Variants in IL1RAPL2 observed in about 807,000 individuals in gnomAD.
IL1RAPL2 encodes the protein X-linked interleukin-1 receptor accessory protein-like 2.
A neutral mutation model predicts 44.1 loss-of-function variants in IL1RAPL2; 3 were observed. The ratio of observed to expected loss-of-function variants is 0.07; its 90% confidence interval spans 0.03 to 0.18. The LOEUF (loss-of-function observed/expected upper bound fraction) is 0.18, where lower values mean the gene tolerates loss of function less well. IL1RAPL2 is among the 10% of genes least tolerant of loss of function. The pLI, the probability that IL1RAPL2 is intolerant of heterozygous loss-of-function variation, is 1.00. For missense variants in IL1RAPL2, 391 were observed against 496.4 expected (o/e 0.79, Z 2.02); for synonymous variants, 181 against 178.8 (o/e 1.01, Z -0.10).
intron 6 of IL1RAPL2, among the ~76,000 whole-genome samples, chrX:105,571,403 C>G (rs1448397329): frequency 9.0e-6 from 1 of 111,164 alleles, no homozygotes; most frequent in Non-Finnish European, 1.9e-5. Context: ...GGAGGTTGGG[C>G]TGTGATAACA....
At chrX:105,220,498 C>T (rs1438474470) in intron 3 of IL1RAPL2, 7 of 800,856 alleles carry the variant, frequency 8.7e-6, no homozygotes, top group African/African-American at 4.3e-5. Flanking sequence ...CATCTTCTCC[C>T]GCCCTCTTGT....
intron 2 of IL1RAPL2, among the ~76,000 whole-genome samples, chrX:104,670,946 A>C (rs1930586644): frequency 9.0e-6 from 1 of 111,365 alleles, no homozygotes; most frequent in African/African-American, 3.3e-5. Flanking sequence ...CAAGACCTCT[A>C]CTTATGAAAT....
At chrX:105,167,100 T>C (rs150333079) in intron 2 of IL1RAPL2, among the ~76,000 whole-genome samples, 41 of 112,467 alleles carry the variant, frequency 3.6e-4, no homozygotes, top group African/African-American at 1.3e-3. Flanking sequence ...GCTGGATTAA[T>C]GGTCCAACTT....
intron 6 of IL1RAPL2, among the ~76,000 whole-genome samples, chrX:105,498,897 G>A (rs1040719679): frequency 9.0e-5 from 10 of 111,135 alleles, no homozygotes; most frequent in Admixed American, 8.6e-4. Context: ...GGTGAGTGGC[G>A]GGCAAGCAAG....
chrX:105,043,679 A>C (rs1043563993), intron 2 of IL1RAPL2, among the ~76,000 whole-genome samples: 7 of 111,260 alleles, frequency 6.3e-5, no homozygotes, highest in Non-Finnish European at 9.4e-5. Flanking sequence ...GGAGGTAGGT[A>C]GGCATTTTTC....
At chrX:105,435,747 G>A (rs1414443555) in intron 5 of IL1RAPL2, among the ~76,000 whole-genome samples, 5 of 111,393 alleles carry the variant, frequency 4.5e-5, no homozygotes, top group South Asian at 3.8e-4. Flanking sequence ...TTGCAGTTAC[G>A]TGGATGAAGC....
chrX:105,468,829 A>G (rs1180496159), intron 5 of IL1RAPL2, among the ~76,000 whole-genome samples: 1 of 111,970 alleles, frequency 8.9e-6, no homozygotes. Flanking sequence ...TATTTATCAC[A>G]TTTTCAGATG....
chrX:105,296,811 G>A (rs1314099317), intron 5 of IL1RAPL2, among the ~76,000 whole-genome samples: 3 of 111,422 alleles, frequency 2.7e-5, no homozygotes, highest in African/African-American at 9.8e-5. Flanking sequence ...TTAAAAATAC[G>A]GGACTGAAAT....
chrX:104,694,891 G>A (rs924890224), intron 2 of IL1RAPL2, among the ~76,000 whole-genome samples: 1 of 112,118 alleles, frequency 8.9e-6, no homozygotes, highest in Non-Finnish European at 1.9e-5. Flanking sequence ...GCCACGCAGT[G>A]ACCATATTAA....
At chrX:105,191,810 A>G (rs1180402145) in intron 2 of IL1RAPL2, among the ~76,000 whole-genome samples, 1 of 112,247 alleles carries the variant, frequency 8.9e-6, no homozygotes, top group Non-Finnish European at 1.9e-5. Flanking sequence ...AGCAAGCTTC[A>G]GTCCAACTGC....
chrX:104,829,112 T>G (rs773253682), intron 2 of IL1RAPL2, among the ~76,000 whole-genome samples: 2 of 111,898 alleles, frequency 1.8e-5, no homozygotes, highest in South Asian at 3.8e-4. Context: ...CTCCCTGGCT[T>G]CAGCCCCCTT....
intron 2 of IL1RAPL2, among the ~76,000 whole-genome samples, chrX:105,088,873 T>C (rs1427379032): frequency 3.6e-5 from 4 of 111,588 alleles, no homozygotes; most frequent in Admixed American, 2.9e-4. Flanking sequence ...TAGATTAGCA[T>C]TGGTGTACAT....
chrX:105,068,703 T>C (rs1468721159), intron 2 of IL1RAPL2, among the ~76,000 whole-genome samples: 1 of 111,603 alleles, frequency 9.0e-6, no homozygotes, highest in East Asian at 2.8e-4. Flanking sequence ...TGCTCAGTGA[T>C]AGATTGTACC....
chrX:105,003,408 C>A (rs2030886974), intron 2 of IL1RAPL2, among the ~76,000 whole-genome samples: 2 of 111,123 alleles, frequency 1.8e-5, no homozygotes, highest in African/African-American at 6.5e-5. Flanking sequence ...TGTTTGAGAT[C>A]TTTCATTTAT....
In IL1RAPL2 at chrX:105,209,131, T is replaced by A. The variant is rs549628646; in HGVS notation, c.356+13383T>A. 5.7e-4 allele frequency among the ~76,000 whole-genome samples: 64 copies of A among 112,142 alleles called. No homozygotes were observed. In the South Asian group the frequency reaches 0.023, roughly 40 times the overall value. ...CAGTATTTTACAGCAGGGTACAAAG[T>A]CACAGAAAATTCTGATTTTTAAGCA... On this transcript the variant is annotated intron_variant, in intron 3 of 10. Transcript: ENST00000372582.
chrX:104,945,201 A>C (rs1336006813), intron 2 of IL1RAPL2, among the ~76,000 whole-genome samples: 2 of 111,211 alleles, frequency 1.8e-5, no homozygotes, highest in Non-Finnish European at 3.8e-5. Flanking sequence ...TAAATAAGGA[A>C]GGGTGAATAG....
At chrX:105,602,465 C>T (rs1300299264) in intron 6 of IL1RAPL2, among the ~76,000 whole-genome samples, 2 of 109,805 alleles carry the variant, frequency 1.8e-5, no homozygotes, top group African/African-American at 6.6e-5. Context: ...CAAATTTTTG[C>T]ATTATGAAAA....
intron 5 of IL1RAPL2, among the ~76,000 whole-genome samples, chrX:105,439,068 C>T (rs1347167092): frequency 9.0e-6 from 1 of 111,536 alleles, no homozygotes; most frequent in Non-Finnish European, 1.9e-5. Context: ...ACATGCCTTG[C>T]TTCCCCTTCA....
At chrX:105,125,301 G>A (rs774232149) in intron 2 of IL1RAPL2, among the ~76,000 whole-genome samples, 4 of 110,339 alleles carry the variant, frequency 3.6e-5, no homozygotes, top group African/African-American at 9.8e-5. Context: ...TGTGTTGAAC[G>A]TATAATAAGG....
Sources: allele counts gnomAD v4.1 joint callset (sites outside exome capture counted in the v4.1 genomes callset), GRCh38; gene constraint gnomAD v4.1.1; transcripts MANE v1.5; gene names NCBI Gene and HGNC (gene_info 2026-07-23, HGNC 2026-07-21).